The following RIN2 variants were observed in gnomAD, a reference collection of about 807,000 sequenced individuals.
RIN2 encodes Ras and Rab interactor 2.
Under a neutral mutation model 78.0 loss-of-function variants are expected in RIN2, and 36 were observed. The ratio of observed to expected loss-of-function variants is 0.46; its 90% CI spans 0.35 to 0.61. The LOEUF (loss-of-function observed/expected upper bound fraction) is 0.61. RIN2 is among the 20% of genes least tolerant of loss of function. The pLI is 0.00. For synonymous variants in RIN2, 466 were observed against 466.8 expected (o/e 1.00, Z 0.02); for missense variants, 1,087 against 1,159.7 (o/e 0.94, Z 0.91).
At chr20:19,823,764 C>T in intron 2 of RIN2, 1 of 1,595,776 alleles carries the variant, frequency 6.3e-7, no homozygotes, top group East Asian at 2.2e-5. Flanking sequence ...TGGTTAGTTT[C>T]ACTGTAATCC....
chr20:19,766,979 G>A (rs1000383301), intron 1 of RIN2, among the ~76,000 whole-genome samples: 10 of 151,904 alleles, frequency 6.6e-5, no homozygotes, highest in Non-Finnish European at 1.3e-4. Flanking sequence ...GGGAAGGAAC[G>A]TGGAGTTTGT....
At chr20:19,820,488 C>T (rs1055729172) in intron 2 of RIN2, among the ~76,000 whole-genome samples, 6 of 152,086 alleles carry the variant, frequency 3.9e-5, no homozygotes, top group African/African-American at 9.7e-5. Context: ...GAAGTGTGGG[C>T]GAGGGGTCTG....
intron 1 of RIN2, among the ~76,000 whole-genome samples, chr20:19,779,568 T>C (rs1160708734): frequency 6.6e-6 from 1 of 152,190 alleles, no homozygotes; most frequent in Non-Finnish European, 1.5e-5. Context: ...AATTCCAGGA[T>C]CTATGTTGAC....
intron 4 of RIN2, among the ~76,000 whole-genome samples, chr20:19,939,495 A>G (rs1273571739): frequency 1.3e-5 from 2 of 152,198 alleles, no homozygotes; most frequent in African/African-American, 4.8e-5. Flanking sequence ...CCTAAGTCCA[A>G]GACACATCTC....
chr20:19,942,202 G>A (rs943302736), intron 4 of RIN2, among the ~76,000 whole-genome samples: 1 of 151,854 alleles, frequency 6.6e-6, no homozygotes, highest in Non-Finnish European at 1.5e-5. Flanking sequence ...CACAACCTAA[G>A]GAGGGAAAAA....
intron 3 of RIN2, among the ~76,000 whole-genome samples, chr20:19,904,231 C>CAAA (rs200273051): frequency 1.3e-3 from 160 of 121,078 alleles, no homozygotes; most frequent in African/African-American, 3.6e-3. Flanking sequence ...GACTTCGTCT[C>CAAA]AAAAAAAAAA....
chr20:19,792,230 G>C (rs757081273), intron 1 of RIN2, among the ~76,000 whole-genome samples: 3 of 152,164 alleles, frequency 2.0e-5, no homozygotes, highest in Admixed American at 6.5e-5. Context: ...GGGTCTACCT[G>C]TCTGTAATGG....
chr20:19,769,083 A>G (rs2034013746), intron 1 of RIN2, among the ~76,000 whole-genome samples: 1 of 151,934 alleles, frequency 6.6e-6, no homozygotes, highest in African/African-American at 2.4e-5. Context: ...CGCCACGCCC[A>G]GCTAATTTTT....
chr20:19,870,935 C>T (rs1405246805), intron 2 of RIN2, among the ~76,000 whole-genome samples: 1 of 152,232 alleles, frequency 6.6e-6, no homozygotes, highest in African/African-American at 2.4e-5. Flanking sequence ...AATTTCTCCA[C>T]TGTGTAGTTA....
At chr20:19,787,132 CA>C (rs1335107538) in intron 1 of RIN2, among the ~76,000 whole-genome samples, 1 of 152,026 alleles carries the variant, frequency 6.6e-6, no homozygotes, top group Non-Finnish European at 1.5e-5. Context: ...ATAATAAAGA[CA>C]AATGACTGTC....
At chr20:19,772,285 G>A (rs532011542) in intron 1 of RIN2, among the ~76,000 whole-genome samples, 84 of 152,176 alleles carry the variant, frequency 5.5e-4, no homozygotes, top group African/African-American at 1.8e-3. Flanking sequence ...AACTCTTTAC[G>A]AGTGCATCGG....
At chr20:19,888,022 A>G (rs897793311) in intron 2 of RIN2, among the ~76,000 whole-genome samples, 2 of 152,114 alleles carry the variant, frequency 1.3e-5, no homozygotes, top group African/African-American at 4.8e-5. Flanking sequence ...GCCTTTTGCT[A>G]ATGAGTGATG....
intron 3 of RIN2, among the ~76,000 whole-genome samples, chr20:19,920,138 CAA>C (rs1386430633): frequency 5.3e-5 from 8 of 151,500 alleles, no homozygotes; most frequent in African/African-American, 1.7e-4. Context: ...ACTAAAAATA[CAA>C]AAAAAATTAG....
intron 2 of RIN2, among the ~76,000 whole-genome samples, chr20:19,871,708 T>C (rs1217333424): frequency 1.3e-5 from 2 of 152,206 alleles, no homozygotes; most frequent in African/African-American, 4.8e-5. Flanking sequence ...TCTCCACTTC[T>C]GTGGGGTCTC....
intron 1 of RIN2, among the ~76,000 whole-genome samples, chr20:19,785,143 A>G (rs1041586960): frequency 1.3e-5 from 2 of 152,114 alleles, no homozygotes; most frequent in Non-Finnish European, 2.9e-5. Context: ...ACTCTCACTC[A>G]CGATCCAGTA....
Position 19,975,212 on chromosome 20 carries a change from C to T in RIN2, c.1187C>T (p.Pro396Leu), listed in dbSNP as rs1358291266. 4 of 1,593,858 alleles carry T rather than the reference C, an allele frequency of 2.5e-6. No homozygotes were observed. In the African/African-American group the frequency reaches 4.0e-5, roughly 16 times the overall value. ...PELELGTAGS[P>L]GGAPPEAAPG... is the part of the protein sequence containing the mutation. Reference sequence around the variant, plus strand: ...CTGGAGCTGGGCACAGCTGGCAGCCCAGGTGGGGCCCCGCCTGAGGCCGCC... The same window carrying T: ...CTGGAGCTGGGCACAGCTGGCAGCCTAGGTGGGGCCCCGCCTGAGGCCGCC... The change falls in exon 9 of 13, where the codon CCA becomes CTA. Residue 396 changes from proline (P) to leucine (L), a missense_variant. Coordinates refer to ENST00000255006, the MANE Select transcript of RIN2 (RefSeq NM_018993.4). This position sits in a 1 kb window ranked among gnomAD's most constrained non-coding sequence, Gnocchi z 4.9.
intron 3 of RIN2, among the ~76,000 whole-genome samples, chr20:19,924,100 C>T (rs2040054434): frequency 1.1e-5 from 1 of 89,294 alleles, no homozygotes; most frequent in Non-Finnish European, 2.2e-5. Flanking sequence ...CCCCACTTTC[C>T]ATACCCCTAC....
At chr20:19,775,458 T>A (rs989748354) in intron 1 of RIN2, among the ~76,000 whole-genome samples, 1 of 152,210 alleles carries the variant, frequency 6.6e-6, no homozygotes, top group Non-Finnish European at 1.5e-5. Flanking sequence ...GGTGGAGGTA[T>A]GCCTACCCTT....
intron 1 of RIN2, among the ~76,000 whole-genome samples, chr20:19,767,008 TCTC>T (rs1220892824): frequency 6.6e-6 from 1 of 151,944 alleles, no homozygotes; most frequent in African/African-American, 2.4e-5. Context: ...AGGGAAAAGT[TCTC>T]CTTCACCTGC....
Sources: gnomAD v4.1 joint callset for allele counts (sites outside exome capture counted in the v4.1 genomes callset) on GRCh38, gnomAD v4.1.1 for gene constraint, Gnocchi (gnomAD v3.1) non-coding constraint, MANE v1.5 for transcripts, NCBI Gene and HGNC (gene_info 2026-07-23, HGNC 2026-07-21) for gene names.